PDE1A: variants seen among roughly 807,000 people sequenced by gnomAD.
The protein encoded by PDE1A is phosphodiesterase 1A.
Under a neutral mutation model 61.7 loss-of-function variants are expected in PDE1A, and 35 were observed. The observed-to-expected ratio is 0.57, with a 90% CI of 0.43 to 0.75. PDE1A has a LOEUF of 0.75. PDE1A is among the 30% of genes least tolerant of loss of function. The pLI is 0.00. For synonymous variants in PDE1A, 232 were observed against 213.2 expected (o/e 1.09, Z -0.77); for missense variants, 597 against 630.6 (o/e 0.95, Z 0.57).
At chr2:182,413,172 G>A (rs929524687) in intron 1 of PDE1A, among the ~76,000 whole-genome samples, 4 of 152,164 alleles carry the variant, frequency 2.6e-5, no homozygotes, top group Non-Finnish European at 2.9e-5. Flanking sequence ...TAGATGGAGA[G>A]TAGGTATAAA....
intron 8 of PDE1A, among the ~76,000 whole-genome samples, chr2:182,204,335 T>C (rs1421419971): frequency 1.3e-5 from 2 of 152,232 alleles, no homozygotes; most frequent in Non-Finnish European, 2.9e-5. Context: ...AGTTAGATCC[T>C]GGCATTTCTA....
chr2:182,666,766 A>G, the PDE1A span, among the ~76,000 whole-genome samples: 1 of 152,160 alleles, frequency 6.6e-6, no homozygotes, highest in East Asian at 1.9e-4. Context: ...ACCTCTATCT[A>G]AGCCTTTGTC....
chr2:182,494,687 A>AT (rs980075312), intron 2 of PDE1A, among the ~76,000 whole-genome samples: 54 of 146,834 alleles, frequency 3.7e-4, no homozygotes, highest in South Asian at 2.2e-4. Flanking sequence ...TCAGAATTCC[A>AT]TTTTTTTTTT....
chr2:182,616,668 G>C, the PDE1A span, among the ~76,000 whole-genome samples: 2 of 152,226 alleles, frequency 1.3e-5, no homozygotes, highest in Admixed American at 6.5e-5. Context: ...ACTCCAGAGA[G>C]CATCTTTGCT....
chr2:182,478,411 G>A (rs1687506625), intron 2 of PDE1A, among the ~76,000 whole-genome samples: 1 of 151,702 alleles, frequency 6.6e-6, no homozygotes, highest in African/African-American at 2.4e-5. Context: ...GCACTGCATT[G>A]AGGACAATGT....
At chr2:182,387,530 G>A (rs1701185755) in intron 1 of PDE1A, among the ~76,000 whole-genome samples, 1 of 152,120 alleles carries the variant, frequency 6.6e-6, no homozygotes. Context: ...GGCTGAGGTG[G>A]GCAGATGTCC....
chr2:182,352,244 C>T (rs1380720101), intron 1 of PDE1A, among the ~76,000 whole-genome samples: 1 of 152,246 alleles, frequency 6.6e-6, no homozygotes, highest in Non-Finnish European at 1.5e-5. Flanking sequence ...TGTTCCTCAA[C>T]TGTGATGCAA....
chr2:182,577,358 GAATTTGCA>G, the PDE1A span, among the ~76,000 whole-genome samples: 1 of 152,160 alleles, frequency 6.6e-6, no homozygotes, highest in Non-Finnish European at 1.5e-5. Flanking sequence ...GTCCCATCCT[GAATTTGCA>G]GATTTGTCAG....
At chr2:182,385,056 T>C (rs115494338) in intron 1 of PDE1A, among the ~76,000 whole-genome samples, 3,194 of 152,240 alleles carry the variant, frequency 0.021, 115 homozygotes, top group African/African-American at 0.074. Context: ...CAACCAATAA[T>C]ACTGTACCCA....
chr2:182,615,376 CA>C, the PDE1A span, among the ~76,000 whole-genome samples: 9 of 148,668 alleles, frequency 6.1e-5, no homozygotes, highest in African/African-American at 2.0e-4. Context: ...GTAAGAGATA[CA>C]AAAAAAAAGT....
the PDE1A span, among the ~76,000 whole-genome samples, chr2:182,605,601 C>T: frequency 6.6e-6 from 1 of 152,192 alleles, no homozygotes; most frequent in Admixed American, 6.5e-5. Flanking sequence ...TTTAAGTTTG[C>T]TTGTTTCCAC....
chr2:182,470,885 A>G (rs746807591), intron 2 of PDE1A, among the ~76,000 whole-genome samples: 21 of 151,870 alleles, frequency 1.4e-4, no homozygotes, highest in Admixed American at 4.0e-4. Context: ...TCACATTTTT[A>G]TAGAGATACT....
chr2:182,483,386 A>C (rs1687822647), intron 2 of PDE1A, among the ~76,000 whole-genome samples: 1 of 151,952 alleles, frequency 6.6e-6, no homozygotes, highest in South Asian at 2.1e-4. Context: ...TTTCAAATGC[A>C]CACACAATAT....
At chr2:182,478,293 A>C (rs1687495771) in intron 2 of PDE1A, among the ~76,000 whole-genome samples, 1 of 151,880 alleles carries the variant, frequency 6.6e-6, no homozygotes. Flanking sequence ...TTATGATAAA[A>C]CATCCATTAG....
the PDE1A span, among the ~76,000 whole-genome samples, chr2:182,625,247 A>G: frequency 6.6e-6 from 1 of 152,230 alleles, no homozygotes; most frequent in Non-Finnish European, 1.5e-5. Context: ...GTTGTTTAAC[A>G]TCCATTCTAT....
intron 2 of PDE1A, among the ~76,000 whole-genome samples, chr2:182,452,116 G>C (rs907643416): frequency 2.6e-5 from 4 of 151,914 alleles, no homozygotes; most frequent in Non-Finnish European, 5.9e-5. Context: ...AATTTTAAAA[G>C]TCCAGAAAAT....
the PDE1A span, among the ~76,000 whole-genome samples, chr2:182,640,043 A>C: frequency 6.6e-6 from 1 of 152,188 alleles, no homozygotes; most frequent in Non-Finnish European, 1.5e-5. Flanking sequence ...AAAATAATTC[A>C]GGCTGTATTC....
At chr2:182,620,977 A>G in the PDE1A span, among the ~76,000 whole-genome samples, 20,206 of 152,156 alleles carry the variant, frequency 0.13, 1,529 homozygotes, top group Middle Eastern at 0.23. Flanking sequence ...TGCTGAGACA[A>G]TTCGCATTCC....
At chr2:182,616,647 G>C in the PDE1A span, among the ~76,000 whole-genome samples, 1 of 152,208 alleles carries the variant, frequency 6.6e-6, no homozygotes, top group African/African-American at 2.4e-5. Context: ...CTCCCCAGGA[G>C]AGGACATCAC....
Sources: gnomAD v4.1 joint callset for allele counts (sites outside exome capture counted in the v4.1 genomes callset) on GRCh38, gnomAD v4.1.1 for gene constraint, MANE v1.5 for transcripts, NCBI Gene and HGNC (gene_info 2026-07-23, HGNC 2026-07-21) for gene names.